The following ARHGEF28 variants were observed in gnomAD, a reference collection of about 807,000 sequenced individuals.
The protein encoded by ARHGEF28 is Rho guanine nucleotide exchange factor 28, also known as 190 kDa guanine nucleotide exchange factor.
Under a neutral mutation model 206.6 loss-of-function variants are expected in ARHGEF28, and 152 were observed. The observed-to-expected ratio is 0.74, with a 90% confidence interval of 0.64 to 0.84. ARHGEF28 has a LOEUF of 0.84. Among genes scored for constraint, ARHGEF28 ranks in the 40% least tolerant of loss-of-function variants. The pLI, the probability that ARHGEF28 is intolerant of heterozygous loss-of-function variation, is 0.00. For synonymous variants in ARHGEF28, 763 were observed against 776.4 expected (o/e 0.98, Z 0.29); for missense variants, 2,028 against 2,073.2 (o/e 0.98, Z 0.42).
intron 17 of ARHGEF28, among the ~76,000 whole-genome samples, chr5:73,865,560 T>C (rs1759655534): frequency 6.6e-6 from 1 of 152,194 alleles, no homozygotes; most frequent in Non-Finnish European, 1.5e-5. Context: ...AGGGCTGTTT[T>C]GAAGGTGACA....
chr5:73,844,436 A>AC (rs1758176303), intron 11 of ARHGEF28, among the ~76,000 whole-genome samples: 2 of 152,134 alleles, frequency 1.3e-5, no homozygotes, highest in Admixed American at 1.3e-4. Context: ...AGCAACTTGA[A>AC]ATACCTGTAA....
At chr5:73,841,619 C>T (rs1249526689) in intron 11 of ARHGEF28, among the ~76,000 whole-genome samples, 3 of 150,226 alleles carry the variant, frequency 2.0e-5, no homozygotes, top group Admixed American at 6.7e-5. Flanking sequence ...GTGGGAGGAT[C>T]GCTTGAACCT....
intron 30 of ARHGEF28, chr5:73,899,185 CA>C (rs1762125106): frequency 6.6e-6 from 1 of 152,088 alleles, no homozygotes; most frequent in Non-Finnish European, 1.5e-5. Context: ...CCAGATTCAT[CA>C]GGGGAGTTGT....
Position 73,734,878 on chromosome 5 carries a change from G to C in ARHGEF28, c.34-14959G>C, listed in dbSNP as rs202157597. On this transcript the variant is annotated intron_variant, in intron 2 of 35. Transcript: ENST00000513042. Reference sequence around the variant, plus strand: ...AGAGAGGACTTTCATTTATAAAATGGAGTCTTTCAAATGAGTGCTTACTAC... The same window carrying C: ...AGAGAGGACTTTCATTTATAAAATGCAGTCTTTCAAATGAGTGCTTACTAC... Among the ~76,000 whole-genome samples, 14 of 152,230 alleles carry C rather than the reference G, an allele frequency of 9.2e-5. No individual in the cohort carries two copies. In the East Asian group the frequency reaches 2.3e-3, roughly 25 times the overall value.
chr5:73,821,169 T>A (rs1756563050), intron 9 of ARHGEF28, among the ~76,000 whole-genome samples: 2 of 152,000 alleles, frequency 1.3e-5, no homozygotes, highest in Non-Finnish European at 2.9e-5. Flanking sequence ...GAAACAGGAT[T>A]CAGGAATTAA....
chr5:73,669,812 G>T (rs373981871), intron 1 of ARHGEF28, among the ~76,000 whole-genome samples: 3 of 152,066 alleles, frequency 2.0e-5, no homozygotes, highest in Non-Finnish European at 4.4e-5. Flanking sequence ...TCAGCCTCCC[G>T]AGTAGCTGGG....
chr5:73,771,383 A>G (rs1753210529), intron 4 of ARHGEF28, among the ~76,000 whole-genome samples: 1 of 152,158 alleles, frequency 6.6e-6, no homozygotes, highest in South Asian at 2.1e-4. Flanking sequence ...ACCTGTGTCT[A>G]CTAAAAATAC....
intron 34 of ARHGEF28, among the ~76,000 whole-genome samples, chr5:73,910,843 T>C (rs1414198273): frequency 1.3e-5 from 2 of 152,250 alleles, no homozygotes; most frequent in African/African-American, 4.8e-5. Flanking sequence ...GTTTTTTTAC[T>C]GATAGTGCCT....
chr5:73,791,677 G>A (rs913579272), intron 7 of ARHGEF28, among the ~76,000 whole-genome samples: 4 of 152,154 alleles, frequency 2.6e-5, no homozygotes, highest in African/African-American at 9.7e-5. Flanking sequence ...GTTTCTTAAT[G>A]AGACACTGGC....
intron 2 of ARHGEF28, among the ~76,000 whole-genome samples, chr5:73,734,479 G>T (rs1750798688): frequency 6.6e-6 from 1 of 152,186 alleles, no homozygotes; most frequent in African/African-American, 2.4e-5. Context: ...TGTGCTGATA[G>T]AATTTGTGCA....
At chr5:73,940,333 G>C (rs1742523678) in intron 35 of ARHGEF28, among the ~76,000 whole-genome samples, 1 of 152,168 alleles carries the variant, frequency 6.6e-6, no homozygotes, top group Non-Finnish European at 1.5e-5. Context: ...TAACAGATCT[G>C]TGATTAACAG....
chr5:73,732,655 C>T (rs1159381172), intron 2 of ARHGEF28, among the ~76,000 whole-genome samples: 1 of 152,140 alleles, frequency 6.6e-6, no homozygotes, highest in Non-Finnish European at 1.5e-5. Context: ...CTTACTTTAT[C>T]TTTCCAACAG....
At position 73,852,651 on chromosome 5, in the gene ARHGEF28, G is replaced by A. The variant is rs1758776089; in HGVS notation, c.1749G>A (p.Glu583=). Residue 583 remains glutamate, a splice_region_variant and synonymous_variant, in exon 14 of 36, where the codon GAG becomes GAA. Transcript: ENST00000513042. The part of the protein sequence containing the change: ...RELTVCSSSE[E]QRAYSLSEPP... ...ATTTTATTGTTCTGTGTCTTGTAGA[G>A]CAAAGAGCTTACAGCTTATCGGAGC... 2 of 1,613,534 alleles carry A rather than the reference G, an allele frequency of 1.2e-6. No homozygotes were observed. Among genetic ancestry groups the A allele is most frequent in the Non-Finnish European group, 1.7e-6 (2 of 1,179,662 alleles).
At chr5:73,936,420 A>G (rs1764419902) in intron 35 of ARHGEF28, among the ~76,000 whole-genome samples, 1 of 152,234 alleles carries the variant, frequency 6.6e-6, no homozygotes, top group South Asian at 2.1e-4. Flanking sequence ...TGCATACTGC[A>G]TTTCAACGCT....
intron 9 of ARHGEF28, among the ~76,000 whole-genome samples, chr5:73,829,771 T>G (rs35825906): frequency 4.6e-5 from 7 of 152,146 alleles, no homozygotes; most frequent in Non-Finnish European, 5.9e-5. Context: ...TAAATTAATT[T>G]TATTTAAAGA....
intron 22 of ARHGEF28, among the ~76,000 whole-genome samples, chr5:73,877,253 G>C (rs1760567727): frequency 6.6e-6 from 1 of 151,640 alleles, no homozygotes; most frequent in African/African-American, 2.4e-5. Flanking sequence ...TATTTCTGTG[G>C]GATCGGTGGT....
rs148497310 is a variant in ARHGEF28, at chr5:73,784,581, T to C, written c.910+3836T>C. ...TAAAGAGCATTGTACAGAACACTGA[T>C]CTTGGAAGCTATTTTGAAAAATAAG... On this transcript the variant is annotated intron_variant, in intron 7 of 35. Coordinates refer to ENST00000513042, the MANE Select transcript of ARHGEF28 (RefSeq NM_001177693.2). Among the ~76,000 whole-genome samples the C allele has an allele frequency of 7.7e-4, 117 of 152,320 alleles. 2 individuals are homozygous for C. The East Asian group carries it at 0.019, about 24-fold the overall frequency.
intron 28 of ARHGEF28, 34 bp from the exon 29 acceptor site, chr5:73,894,359 G>C: frequency 1.3e-6 from 2 of 1,546,128 alleles, no homozygotes; most frequent in Non-Finnish European, 1.8e-6. Context: ...ATTCATGTTA[G>C]TGATAATCTT....
At position 73,864,176 on chromosome 5, in the gene ARHGEF28, C is replaced by T. The variant is rs137981665; in HGVS notation, c.2048-641C>T. ...TAGTGCAGCTTTCCATGAGGACAGC[C>T]TCAGTGTCTGTGTTCATGGGCAGAA... On this transcript the variant is annotated intron_variant, in intron 16 of 35. Coordinates refer to ENST00000513042, the MANE Select transcript of ARHGEF28 (RefSeq NM_001177693.2). Among the ~76,000 whole-genome samples the T allele has an allele frequency of 3.0e-3, 450 of 152,280 alleles. 1 individual carries two copies. The highest frequency in any genetic ancestry group is 0.01 in the African/African-American group (426 of 41,564).
Sources: gnomAD v4.1 joint callset for allele counts (sites outside exome capture counted in the v4.1 genomes callset) on GRCh38, gnomAD v4.1.1 for gene constraint, MANE v1.5 for transcripts, NCBI Gene and HGNC (gene_info 2026-07-23, HGNC 2026-07-21) for gene names.